Variants in KLHL32 observed in about 807,000 individuals in gnomAD.
KLHL32 encodes the protein kelch like family member 32.
Under a neutral mutation model 64.8 loss-of-function variants are expected in KLHL32, and 35 were observed. The observed-to-expected ratio is 0.54, with a 90% CI of 0.41 to 0.72. KLHL32 has a LOEUF of 0.72. Ranked by LOEUF, KLHL32 falls within the 30% of genes least tolerant of loss-of-function variation. KLHL32 has a pLI of 0.00. For synonymous variants in KLHL32, 259 were observed against 281.0 expected, an observed-to-expected ratio of 0.92 and a Z score of 0.78; for missense variants, 589 against 768.5, an observed-to-expected ratio of 0.77 and a Z score of 2.76.
At position 96,932,572 on chromosome 6, in the gene KLHL32, C is replaced by G. The variant is rs969182646; in HGVS notation, c.-66+7546C>G. 8.1e-5 allele frequency among the ~76,000 whole-genome samples: 11 copies of G among 136,578 alleles called. 1 individual carries two copies. The highest frequency in any genetic ancestry group is 2.2e-4 in the Admixed American group (3 of 13,814). The allele number at this position is 136,578 out of a possible 152,430, so 89.6% of individuals were successfully genotyped here. A position where few individuals can be genotyped will look rare whatever the true frequency, so the allele number is the denominator to read the frequency against. ...TCACAAAGTTGTCAATTTCCCCCCC[C>G]CCCTTTTTTTTTTTGAGACAGATTC... is the stretch of plus-strand genomic sequence containing the variant. On this transcript the variant is annotated intron_variant, in intron 1 of 10. Coordinates refer to ENST00000369261, the MANE Select transcript of KLHL32 (RefSeq NM_052904.4).
chr6:97,108,384 A>G (rs914554359), intron 6 of KLHL32, among the ~76,000 whole-genome samples: 4 of 152,168 alleles, frequency 2.6e-5, no homozygotes, highest in Admixed American at 1.3e-4. Flanking sequence ...GCACCGAAAT[A>G]TACCACAAAG....
At chr6:96,964,551 G>C (rs1774235355) in intron 1 of KLHL32, among the ~76,000 whole-genome samples, 2 of 152,188 alleles carry the variant, frequency 1.3e-5, no homozygotes, top group East Asian at 1.9e-4. Context: ...TACTCAGGAG[G>C]CTGAGGCAGG....
chr6:97,114,248 G>A lies in KLHL32; in HGVS notation c.1093G>A (p.Val365Met). 6.2e-7 allele frequency: 1 copy of A among 1,614,154 alleles called. No individual in the cohort carries two copies. Among genetic ancestry groups the A allele is most frequent in the East Asian group, 2.2e-5 (1 of 44,874 alleles). ...VEHASGRTCA[V>M]RTACRYDPRS... ...GCATGCCAGTGGCCGGACGTGTGCT[G>A]TGAGGACTGCCTGTCGCTATGACCC... is the stretch of plus-strand genomic sequence containing the variant. Residue 365 changes from valine (V) to methionine (M), a missense_variant, in exon 7 of 11, where the codon GTG becomes ATG. Physicochemically the swap from Val to Met is conservative, Grantham distance 21. Coordinates refer to ENST00000369261, the MANE Select transcript of KLHL32 (RefSeq NM_052904.4).
intron 4 of KLHL32, among the ~76,000 whole-genome samples, chr6:97,042,039 C>A (rs962367843): frequency 1.6e-4 from 25 of 152,288 alleles, no homozygotes; most frequent in African/African-American, 6.0e-4. Flanking sequence ...GAATTGAAGG[C>A]ATTTAGATTA....
intron 10 of KLHL32, among the ~76,000 whole-genome samples, chr6:97,137,421 CTTGT>C (rs1476237923): frequency 6.6e-6 from 1 of 152,140 alleles, no homozygotes; most frequent in African/African-American, 2.4e-5. Flanking sequence ...CTAATCTCCA[CTTGT>C]TTGTTCTTTC....
intron 5 of KLHL32, among the ~76,000 whole-genome samples, chr6:97,070,361 G>C (rs1790514819): frequency 6.6e-6 from 1 of 152,110 alleles, no homozygotes; most frequent in Non-Finnish European, 1.5e-5. Context: ...ATCTGGCATG[G>C]GTAATCCAGA....
At chr6:96,961,297 G>GA (rs1246337813) in intron 1 of KLHL32, among the ~76,000 whole-genome samples, 1 of 152,156 alleles carries the variant, frequency 6.6e-6, no homozygotes, top group African/African-American at 2.4e-5. Flanking sequence ...GGCAGTAGAA[G>GA]AAAAAGGTCA....
intron 3 of KLHL32, among the ~76,000 whole-genome samples, chr6:97,006,608 G>A (rs771350393): frequency 1.3e-5 from 2 of 152,114 alleles, no homozygotes; most frequent in Non-Finnish European, 2.9e-5. Flanking sequence ...ATACTTAAAT[G>A]TGTTTTTGTG....
At chr6:97,103,189 C>T (rs1795949457) in intron 6 of KLHL32, among the ~76,000 whole-genome samples, 1 of 149,812 alleles carries the variant, frequency 6.7e-6, no homozygotes, top group Non-Finnish European at 1.5e-5. Context: ...TATATGTGAA[C>T]AATTTACTAA....
chr6:97,008,753 T>C lies in KLHL32; in HGVS notation c.204+32576T>C, dbSNP rs1287563991. 3.3e-5 allele frequency among the ~76,000 whole-genome samples: 5 copies of C among 152,140 alleles called. No homozygotes were observed. In the East Asian group the frequency reaches 9.7e-4, roughly 29 times the overall value. ...CTTTGCTCAGCAGCCCTGTGCAGGGTTCCTAGCATCCTTTCCCTCCAGCCT... is the reference window on the plus strand; with the variant it reads ...CTTTGCTCAGCAGCCCTGTGCAGGGCTCCTAGCATCCTTTCCCTCCAGCCT... On this transcript the variant is annotated intron_variant, in intron 3 of 10. Coordinates refer to ENST00000369261, the MANE Select transcript of KLHL32 (RefSeq NM_052904.4).
chr6:97,023,514 C>T (rs1374870301), intron 3 of KLHL32, among the ~76,000 whole-genome samples: 1 of 152,180 alleles, frequency 6.6e-6, no homozygotes, highest in Non-Finnish European at 1.5e-5. Flanking sequence ...GTCACTGTCT[C>T]TGTTTTCTTT....
chr6:97,091,060 A>G (rs1450289629), intron 6 of KLHL32, among the ~76,000 whole-genome samples: 2 of 152,200 alleles, frequency 1.3e-5, no homozygotes, highest in Non-Finnish European at 2.9e-5. Context: ...CCCTGTCTCT[A>G]CGAAAATATT....
chr6:97,131,874 G>A (rs1384724042), intron 9 of KLHL32, among the ~76,000 whole-genome samples: 2 of 152,054 alleles, frequency 1.3e-5, no homozygotes, highest in Non-Finnish European at 2.9e-5. Flanking sequence ...GGTACCTTAG[G>A]CCCTCGATTC....
intron 4 of KLHL32, among the ~76,000 whole-genome samples, chr6:97,053,379 G>C (rs1787261582): frequency 6.6e-6 from 1 of 152,022 alleles, no homozygotes; most frequent in Non-Finnish European, 1.5e-5. Context: ...TTCCCAGCTT[G>C]CTCCATAAAT....
intron 5 of KLHL32, among the ~76,000 whole-genome samples, chr6:97,077,967 G>C (rs547319209): frequency 6.6e-6 from 1 of 152,150 alleles, no homozygotes; most frequent in African/African-American, 2.4e-5. Flanking sequence ...TTAGTGACAA[G>C]CTTATGTGTA....
intron 6 of KLHL32, among the ~76,000 whole-genome samples, chr6:97,099,293 G>A (rs1795385122): frequency 6.6e-6 from 1 of 152,322 alleles, no homozygotes; most frequent in Admixed American, 6.5e-5. Context: ...GCCTGCCTGT[G>A]CTGGCCATGC....
In KLHL32 at chr6:97,082,368, C is replaced by G. The variant is rs144128487; in HGVS notation, c.412-2758C>G. ...GTGGCTCACACCTGTAATCCCAGCA[C>G]TTTGGGAGGCCGAGGCGGGCGGATC... On this transcript the variant is annotated intron_variant, in intron 5 of 10. Transcript: ENST00000369261. 9.5e-3 allele frequency among the ~76,000 whole-genome samples: 1,445 copies of G among 152,218 alleles called. 13 individuals are homozygous for G. Among genetic ancestry groups the G allele is most frequent in the Non-Finnish European group, 0.014 (931 of 68,018 alleles).
intron 1 of KLHL32, among the ~76,000 whole-genome samples, chr6:96,962,949 T>A (rs1189372552): frequency 6.6e-6 from 1 of 152,228 alleles, no homozygotes; most frequent in East Asian, 1.9e-4. Flanking sequence ...GTACTAGTCT[T>A]TTGGGGGTCA....
intron 1 of KLHL32, among the ~76,000 whole-genome samples, chr6:96,929,228 T>C (rs1253818562): frequency 6.6e-6 from 1 of 152,186 alleles, no homozygotes; most frequent in Non-Finnish European, 1.5e-5. Flanking sequence ...GAATTTACTT[T>C]AAAGTTGGAG....
Sources: gnomAD v4.1 joint callset for allele counts (sites outside exome capture counted in the v4.1 genomes callset) on GRCh38, gnomAD v4.1.1 for gene constraint, MANE v1.5 for transcripts, NCBI Gene and HGNC (gene_info 2026-07-23, HGNC 2026-07-21) for gene names.